The following PRUNE2 variants were observed in gnomAD, a reference collection of about 807,000 sequenced individuals.
The protein encoded by PRUNE2 is prune homolog 2 with BCH domain.
In PRUNE2, 164 loss-of-function variants were observed where a neutral mutation model predicts 252.0. The observed-to-expected ratio is 0.65, with a 90% CI of 0.57 to 0.74. The LOEUF is 0.74. Among genes scored for constraint, PRUNE2 ranks in the 30% least tolerant of loss-of-function variants. The probability of loss-of-function intolerance (pLI) is 0.00; values close to 1 mark genes in which losing one functional copy is unlikely to be tolerated. For missense variants in PRUNE2, 3,495 were observed against 3,711.0 expected, an observed-to-expected ratio of 0.94 and a Z score of 1.51; for synonymous variants, 1,292 against 1,350.2, an observed-to-expected ratio of 0.96 and a Z score of 0.94.
At chr9:76,795,660 G>T (rs1399731753) in intron 6 of PRUNE2, among the ~76,000 whole-genome samples, 3 of 152,156 alleles carry the variant, frequency 2.0e-5, no homozygotes, top group Admixed American at 6.5e-5. Flanking sequence ...GGCAGAGGAA[G>T]GAAGGGGAGA....
chr9:76,869,117 T>C (rs1056930620), intron 1 of PRUNE2: 81 of 152,352 alleles, frequency 5.3e-4, no homozygotes, highest in African/African-American at 1.9e-3. Context: ...AGTCAGCTTT[T>C]TGTTGTCATA....
intron 6 of PRUNE2, among the ~76,000 whole-genome samples, chr9:76,717,489 C>T (rs186585103): frequency 3.1e-4 from 47 of 152,268 alleles, no homozygotes; most frequent in South Asian, 1.2e-3. Context: ...TTATTCCCCC[C>T]ATCTGCCTTC....
rs2046539115 is a variant in PRUNE2 at position 76,709,270 on chromosome 9, T to C, written c.3004A>G (p.Asn1002Asp). 1 of 1,613,600 alleles carries C rather than the reference T, an allele frequency of 6.2e-7. No homozygotes were observed. The highest frequency in any genetic ancestry group is 8.5e-7 in the Non-Finnish European group (1 of 1,179,802). Residue 1002 changes from asparagine (N) to aspartate (D), a missense_variant, in exon 8 of 19, where the codon AAC becomes GAC. Physicochemically the swap from Asn to Asp is conservative, Grantham distance 23. Transcript: ENST00000376718. ...ATGTCAGTCTCCTCTGCCGTGGAGT[T>C]ACCATCTTTTGACTCAAAACCTTCC... is the stretch of plus-strand genomic sequence containing the variant. ...KEEGFESKDG[N>D]STAEETDIPP... is the part of the protein sequence containing the mutation.
chr9:76,619,525 T>C (rs1487406698), intron 17 of PRUNE2, 138 bp from the exon 18 acceptor site: 6 of 647,964 alleles, frequency 9.3e-6, no homozygotes, highest in African/African-American at 1.8e-5. Flanking sequence ...CCTGAACAGA[T>C]GATAAGATTA....
At chr9:76,762,449 G>A (rs866732004) in intron 6 of PRUNE2, among the ~76,000 whole-genome samples, 9 of 152,116 alleles carry the variant, frequency 5.9e-5, no homozygotes, top group South Asian at 2.1e-4. Flanking sequence ...TGCTTGGCTC[G>A]AACTTTCTGG....
At chr9:76,754,964 C>CAAAAAAAAAAAAAAAAAAAAAAAAA (rs11292120) in intron 6 of PRUNE2, among the ~76,000 whole-genome samples, 1 of 67,964 alleles carries the variant, frequency 1.5e-5, no homozygotes, top group Non-Finnish European at 3.1e-5. Context: ...GACTCGGTCT[C>CAAAAAAAAAAAAAAAAAAAAAAAAA]AAAAAAAAAA....
rs540771433 is a variant in PRUNE2 at position 76,796,104 on chromosome 9, C to T, written c.756+27528G>A. ...GTGTATAATTTGGGTAAATAAAATGCTTTTCTTTACAAAAGATATATGATC... is the reference window on the plus strand; with the variant it reads ...GTGTATAATTTGGGTAAATAAAATGTTTTTCTTTACAAAAGATATATGATC... On this transcript the variant is annotated intron_variant, in intron 6 of 18. Coordinates refer to ENST00000376718, the MANE Select transcript of PRUNE2 (RefSeq NM_015225.3). 1.1e-4 allele frequency among the ~76,000 whole-genome samples: 16 copies of T among 152,264 alleles called. No individual in the cohort carries two copies. In the South Asian group the frequency reaches 3.3e-3, roughly 32 times the overall value.
At chr9:76,822,610 C>T (rs2058099194) in intron 6 of PRUNE2, among the ~76,000 whole-genome samples, 1 of 152,186 alleles carries the variant, frequency 6.6e-6, no homozygotes, top group Non-Finnish European at 1.5e-5. Flanking sequence ...GAGTTCAAGA[C>T]CAGCCTCACC....
At position 76,703,971 on chromosome 9, in the gene PRUNE2, T is replaced by C. The variant is rs377719959; in HGVS notation, c.7642A>G (p.Met2548Val). The C allele has an allele frequency of 2.5e-6, 4 of 1,613,888 alleles. No individual in the cohort carries two copies. The highest frequency in any genetic ancestry group is 2.2e-5 in the East Asian group (1 of 44,894). The change falls in exon 9 of 19, where the codon ATG (methionine) becomes GTG (valine). Residue 2548 changes from methionine to valine, a missense_variant. By Grantham distance (21) the Met-to-Val change is conservative. Coordinates refer to ENST00000376718, the MANE Select transcript of PRUNE2 (RefSeq NM_015225.3). The stretch of plus-strand genomic sequence containing the variant: ...TCACGGTTTACAAGTATGTAATCCA[T>C]GTGTAGTGCATGACGATCTTCATTC... ...EKNEDRHALHMDYILVNREEN... is the reference protein window; with the variant it reads ...EKNEDRHALHVDYILVNREEN...
chr9:76,621,486 A>C (rs1166071499), intron 17 of PRUNE2, among the ~76,000 whole-genome samples: 1 of 152,212 alleles, frequency 6.6e-6, no homozygotes, highest in Non-Finnish European at 1.5e-5. Context: ...GTTACCATCA[A>C]AAAGGTAGGA....
At chr9:76,875,086 C>T (rs2061406609) in intron 1 of PRUNE2, among the ~76,000 whole-genome samples, 1 of 152,084 alleles carries the variant, frequency 6.6e-6, no homozygotes, top group African/African-American at 2.4e-5. Context: ...ACCTGTATTC[C>T]AGGTCCCAAT....
chr9:76,667,929 G>C (rs562638408), intron 9 of PRUNE2, among the ~76,000 whole-genome samples: 1 of 152,332 alleles, frequency 6.6e-6, no homozygotes, highest in Admixed American at 6.5e-5. Context: ...GACAAAAATA[G>C]GTGGCTGACT....
At chr9:76,812,165 C>T (rs1589359440) in intron 6 of PRUNE2, among the ~76,000 whole-genome samples, 1 of 152,032 alleles carries the variant, frequency 6.6e-6, no homozygotes. Flanking sequence ...TGTCTCTAGC[C>T]GAATAGAAGA....
At chr9:76,814,947 A>G (rs2057589409) in intron 6 of PRUNE2, among the ~76,000 whole-genome samples, 2 of 152,164 alleles carry the variant, frequency 1.3e-5, no homozygotes, top group African/African-American at 4.8e-5. Flanking sequence ...TCCTTTCTAG[A>G]TCAAGCCAAA....
chr9:76,643,504 T>C (rs1403472133), intron 12 of PRUNE2, among the ~76,000 whole-genome samples: 4 of 152,144 alleles, frequency 2.6e-5, no homozygotes, highest in Non-Finnish European at 5.9e-5. Flanking sequence ...AACAAAAGGG[T>C]TGACTCTACA....
At chr9:76,792,175 T>C (rs1305922066) in intron 6 of PRUNE2, among the ~76,000 whole-genome samples, 5 of 152,056 alleles carry the variant, frequency 3.3e-5, no homozygotes, top group African/African-American at 1.2e-4. Flanking sequence ...TGGGAGGTAA[T>C]TGAATCATGG....
intron 6 of PRUNE2, among the ~76,000 whole-genome samples, chr9:76,719,750 C>A (rs936947720): frequency 6.6e-6 from 1 of 151,994 alleles, no homozygotes; most frequent in Non-Finnish European, 1.5e-5. Flanking sequence ...TAGGCTCAAG[C>A]TGTTCTCCCA....
chr9:76,625,082 C>T (rs1834102558), intron 16 of PRUNE2: 1 of 1,297,714 alleles, frequency 7.7e-7, no homozygotes, highest in Non-Finnish European at 1.0e-6. Flanking sequence ...AAACGAGTGC[C>T]ATAAGGAAAA....
chr9:76,807,051 T>TGTGCGCGCGC lies in PRUNE2; in HGVS notation c.756+16580_756+16581insGCGCGCGCAC, dbSNP rs60768420. On this transcript the variant is annotated intron_variant, in intron 6 of 18. Transcript: ENST00000376718. ...GTGTGTGTGTGTGTGTGTGTGTGTGTGCGCGCGCGCGTGTGTCTGTCTCTC... is the reference window on the plus strand; with the variant it reads ...GTGTGTGTGTGTGTGTGTGTGTGTGTGTGCGCGCGCGCGCGCGCGCGTGTGTCTGTCTCTC... 3.7e-3 allele frequency among the ~76,000 whole-genome samples: 516 copies of TGTGCGCGCGC among 139,430 alleles called. 1 individual carries two copies. Among genetic ancestry groups the TGTGCGCGCGC allele is most frequent in the Non-Finnish European group, 4.9e-3 (312 of 64,176 alleles). 91.5% of individuals were successfully genotyped at this position (139,430 alleles called of 152,430 possible). A position where few individuals can be genotyped will look rare whatever the true frequency, so the allele number is the denominator to read the frequency against.
Sources: gnomAD v4.1 joint callset for allele counts (sites outside exome capture counted in the v4.1 genomes callset) on GRCh38, gnomAD v4.1.1 for gene constraint, MANE v1.5 for transcripts, NCBI Gene and HGNC (gene_info 2026-07-23, HGNC 2026-07-21) for gene names.